The following RUNDC3B variants were observed in gnomAD, a reference collection of about 807,000 sequenced individuals.
RUNDC3B encodes RUN domain-containing protein 3B.
A neutral mutation model predicts 58.4 loss-of-function variants in RUNDC3B; 33 were observed. The observed-to-expected ratio is 0.56, with a 90% CI of 0.43 to 0.75. The LOEUF (loss-of-function observed/expected upper bound fraction) is 0.75, where lower values mean the gene tolerates loss of function less well. RUNDC3B is among the 30% of genes least tolerant of loss of function. The pLI is 0.00. For synonymous variants in RUNDC3B, 193 were observed against 195.2 expected, an observed-to-expected ratio of 0.99 and a Z score of 0.10; for missense variants, 501 against 535.7, an observed-to-expected ratio of 0.94 and a Z score of 0.64.
rs146113075 is a variant in RUNDC3B, at chr7:87,641,531, C to T, written c.123-9291C>T. On this transcript the variant is annotated intron_variant, in intron 1 of 10. Coordinates refer to ENST00000394654, the MANE Select transcript of RUNDC3B (RefSeq NM_001134405.2). ...CCCTTCCTCCAGCAAGCCAAAACAA[C>T]AAAATGCACTGATTTGGGGGCGACA... is the stretch of plus-strand genomic sequence containing the variant. 2.7e-3 allele frequency among the ~76,000 whole-genome samples: 418 copies of T among 152,230 alleles called. 3 individuals carry two copies. The highest frequency in any genetic ancestry group is 9.4e-3 in the African/African-American group (390 of 41,524).
intron 2 of RUNDC3B, among the ~76,000 whole-genome samples, chr7:87,677,343 A>C (rs1464540604): frequency 6.6e-6 from 1 of 151,864 alleles, no homozygotes; most frequent in Non-Finnish European, 1.5e-5. Flanking sequence ...TTTAAAAAAA[A>C]AAAAAAAGGA....
At chr7:87,796,175 G>T (rs1052470581) in intron 8 of RUNDC3B, among the ~76,000 whole-genome samples, 11 of 152,300 alleles carry the variant, frequency 7.2e-5, no homozygotes, top group African/African-American at 2.2e-4. Flanking sequence ...GGAATTGGAG[G>T]TCACTGTGTT....
intron 1 of RUNDC3B, among the ~76,000 whole-genome samples, chr7:87,639,166 A>AC (rs2130274643): frequency 6.6e-6 from 1 of 151,828 alleles, no homozygotes; most frequent in East Asian, 1.9e-4. Context: ...AAAAAAAAAA[A>AC]AAAAAAAAAA....
intron 6 of RUNDC3B, among the ~76,000 whole-genome samples, chr7:87,748,123 T>C (rs546162736): frequency 6.6e-6 from 1 of 152,310 alleles, no homozygotes; most frequent in Admixed American, 6.5e-5. Context: ...AGGAATGGCC[T>C]TCTTGGGCAC....
At chr7:87,643,112 C>CA (rs1269546444) in intron 1 of RUNDC3B, among the ~76,000 whole-genome samples, 3 of 152,140 alleles carry the variant, frequency 2.0e-5, no homozygotes, top group Non-Finnish European at 4.4e-5. Context: ...GAGATGGGCT[C>CA]TTGCTTTGTT....
chr7:87,788,065 T>C (rs1222469267), intron 8 of RUNDC3B, among the ~76,000 whole-genome samples: 1 of 152,212 alleles, frequency 6.6e-6, no homozygotes, highest in African/African-American at 2.4e-5. Context: ...GTCAGTCATA[T>C]GTTTGATGCA....
chr7:87,692,969 C>T (rs951198270), intron 2 of RUNDC3B, among the ~76,000 whole-genome samples: 5 of 151,200 alleles, frequency 3.3e-5, no homozygotes, highest in African/African-American at 1.2e-4. Flanking sequence ...TATGTATCTC[C>T]TTCCTTTCAT....
chr7:87,711,653 A>T (rs1230917563), intron 4 of RUNDC3B, among the ~76,000 whole-genome samples: 1 of 152,178 alleles, frequency 6.6e-6, no homozygotes, highest in Non-Finnish European at 1.5e-5. Flanking sequence ...GTAGCCACTA[A>T]CACATGCCAT....
At chr7:87,798,471 C>T (rs1469680275) in intron 8 of RUNDC3B, among the ~76,000 whole-genome samples, 2 of 152,072 alleles carry the variant, frequency 1.3e-5, no homozygotes, top group East Asian at 3.9e-4. Flanking sequence ...ATTTTTGATG[C>T]TCAAATTGCC....
At position 87,831,692 on chromosome 7, in the gene RUNDC3B, TATA is replaced by T. The variant is rs1838136642; in HGVS notation, c.*1666_*1668del. 6.6e-6 allele frequency: 1 copy of T among 151,896 alleles called. No individual in the cohort carries two copies. The highest frequency in any genetic ancestry group is 6.6e-5 in the Admixed American group (1 of 15,206). The allele number at this position is 151,896 out of a possible 1,614,324, so 9.4% of individuals were successfully genotyped here. A position where few individuals can be genotyped will look rare whatever the true frequency, so the allele number is the denominator to read the frequency against. On this transcript the variant is annotated 3_prime_UTR_variant, in exon 11 of 11. Coordinates refer to ENST00000394654, the MANE Select transcript of RUNDC3B (RefSeq NM_001134405.2). The stretch of plus-strand genomic sequence containing the variant: ...ATCAGCATGGGGGATGGAAGGTAGG[TATA>T]ATATGAGGACAATGGAAACTTTGGG...
At chr7:87,735,690 G>A (rs1285344081) in intron 4 of RUNDC3B, among the ~76,000 whole-genome samples, 1 of 152,176 alleles carries the variant, frequency 6.6e-6, no homozygotes, top group Non-Finnish European at 1.5e-5. Context: ...AGCCCTGTGT[G>A]ATCAGACATC....
intron 2 of RUNDC3B, among the ~76,000 whole-genome samples, chr7:87,656,540 A>G (rs1054919739): frequency 3.3e-5 from 5 of 152,086 alleles, no homozygotes; most frequent in African/African-American, 1.2e-4. Flanking sequence ...CTTGAGAAAA[A>G]ATGATAGGAG....
chr7:87,786,114 T>C (rs1266679250), intron 8 of RUNDC3B, among the ~76,000 whole-genome samples: 1 of 152,144 alleles, frequency 6.6e-6, no homozygotes, highest in East Asian at 1.9e-4. Flanking sequence ...ACTTGATATT[T>C]TGGTTTCTCT....
At chr7:87,825,231 A>C (rs1837735117) in intron 10 of RUNDC3B, among the ~76,000 whole-genome samples, 1 of 152,138 alleles carries the variant, frequency 6.6e-6, no homozygotes, top group Non-Finnish European at 1.5e-5. Context: ...AAAAAAAGAA[A>C]GAAAAAGAAA....
intron 6 of RUNDC3B, among the ~76,000 whole-genome samples, chr7:87,767,014 C>T (rs1295895798): frequency 6.6e-6 from 1 of 151,732 alleles, no homozygotes; most frequent in East Asian, 1.9e-4. Flanking sequence ...CTTTCTTTTG[C>T]TTGGTCTTTT....
chr7:87,659,138 G>A (rs1824434552), intron 2 of RUNDC3B: 4 of 370,774 alleles, frequency 1.1e-5, no homozygotes, highest in Admixed American at 3.3e-5. Context: ...ATCTAGCCTG[G>A]GCAATAGAAT....
intron 2 of RUNDC3B, among the ~76,000 whole-genome samples, chr7:87,698,032 A>G (rs1481837150): frequency 1.3e-5 from 2 of 152,216 alleles, no homozygotes; most frequent in Non-Finnish European, 2.9e-5. Context: ...AAAGTGATGG[A>G]GAGAGATTAA....
intron 4 of RUNDC3B, among the ~76,000 whole-genome samples, chr7:87,724,782 A>G (rs541554266): frequency 2.0e-5 from 3 of 152,214 alleles, no homozygotes; most frequent in Non-Finnish European, 4.4e-5. Flanking sequence ...AATTACATGT[A>G]TAATAGTTCA....
Position 87,649,096 on chromosome 7 carries a change from C to T in RUNDC3B, c.123-1726C>T, listed in dbSNP as rs73705292. Among the ~76,000 whole-genome samples, 492 of 152,088 alleles carry T rather than the reference C, an allele frequency of 3.2e-3. 3 individuals carry two copies. The highest frequency in any genetic ancestry group is 0.011 in the African/African-American group (463 of 41,492). On this transcript the variant is annotated intron_variant, in intron 1 of 10. Coordinates refer to ENST00000394654, the MANE Select transcript of RUNDC3B (RefSeq NM_001134405.2). ...AGCTCCCCTTATCTTCTTGATTCCC[C>T]ACTGTCTTAGGCACTCATATACCAT...
Sources: gnomAD v4.1 joint callset for allele counts (sites outside exome capture counted in the v4.1 genomes callset) on GRCh38, gnomAD v4.1.1 for gene constraint, MANE v1.5 for transcripts, NCBI Gene and HGNC (gene_info 2026-07-23, HGNC 2026-07-21) for gene names.